GSDME: variants seen among roughly 807,000 people sequenced by gnomAD.
GSDME encodes gasdermin E, also known as gasdermin-E.
A neutral mutation model predicts 47.5 loss-of-function variants in GSDME; 44 were observed. The ratio of observed to expected loss-of-function variants is 0.93; its 90% CI spans 0.73 to 1.19. The LOEUF (loss-of-function observed/expected upper bound fraction) is 1.19. Among genes scored for constraint, GSDME ranks in the 50% most tolerant of loss-of-function variants. The pLI, the probability that GSDME is intolerant of heterozygous loss-of-function variation, is 0.00. For missense variants in GSDME, 663 were observed against 604.2 expected (o/e 1.10, Z -1.02); for synonymous variants, 258 against 252.8 (o/e 1.02, Z -0.20).
At chr7:24,771,923 C>T in the GSDME span, among the ~76,000 whole-genome samples, 60 of 152,278 alleles carry the variant, frequency 3.9e-4, 1 homozygote, top group South Asian at 0.011. This position sits in a 1 kb window ranked among gnomAD's most constrained non-coding sequence, Gnocchi z 4.1. Flanking sequence ...GAATGGAGGT[C>T]GTGGCCTGGC....
rs1036345020 is a variant in GSDME, at chr7:24,745,562, C to A, written c.212-808G>T. On this transcript the variant is annotated intron_variant, in intron 2 of 9. Coordinates refer to ENST00000645220, the MANE Select transcript of GSDME (RefSeq NM_001127453.2). The surrounding 1 kb of genome is among the most constrained non-coding windows in gnomAD (Gnocchi z 4.4). Reference sequence around the variant, plus strand: ...CTCATATCTGAACTGTCAGCCTTCTCACATCTCCAGGTTTCTACTATTCTC... The same window carrying A: ...CTCATATCTGAACTGTCAGCCTTCTAACATCTCCAGGTTTCTACTATTCTC... 6.6e-6 allele frequency among the ~76,000 whole-genome samples: 1 copy of A among 152,166 alleles called. No individual in the cohort carries two copies. Among genetic ancestry groups the A allele is most frequent in the African/African-American group, 2.4e-5 (1 of 41,450 alleles).
chr7:24,737,032 G>T (rs1239722683), intron 3 of GSDME, among the ~76,000 whole-genome samples: 2 of 152,022 alleles, frequency 1.3e-5, no homozygotes, highest in African/African-American at 4.8e-5. Context: ...GAAGTTTATA[G>T]CTGTACATAA....
chr7:24,731,379 C>T (rs1313262247), intron 3 of GSDME, among the ~76,000 whole-genome samples: 2 of 152,228 alleles, frequency 1.3e-5, no homozygotes, highest in Non-Finnish European at 2.9e-5. Flanking sequence ...AGAGCCCCGC[C>T]GACTTTCACT....
chr7:24,778,594 C>T, the GSDME span, among the ~76,000 whole-genome samples: 1 of 152,168 alleles, frequency 6.6e-6, no homozygotes, highest in African/African-American at 2.4e-5. This position sits in a 1 kb window ranked among gnomAD's most constrained non-coding sequence, Gnocchi z 5.6. Context: ...TTCCAGGGCC[C>T]ATCGACCTTG....
chr7:24,708,243 G>GGAGCCC lies in GSDME; in HGVS notation c.873_874insGGGCTC (p.Leu291_Leu292insGlyLeu), dbSNP rs1484112962. 2 of 1,614,042 alleles carry GGAGCCC rather than the reference G, an allele frequency of 1.2e-6. No homozygotes were observed. Among genetic ancestry groups the GGAGCCC allele is most frequent in the African/African-American group, 1.3e-5 (1 of 74,938 alleles). On this transcript the variant is annotated inframe_insertion, in exon 7 of 10. Transcript: ENST00000645220. ...GCAAATGGATGGAAATTCCTCTCCAGGAGCAGGGTCGCTGTGAAAACAAAG... is the reference window on the plus strand; with the variant it reads ...GCAAATGGATGGAAATTCCTCTCCAGGAGCCCGAGCAGGGTCGCTGTGAAAACAAAG...
At chr7:24,707,810 C>T in intron 7 of GSDME, 1 of 533,870 alleles carries the variant, frequency 1.9e-6, no homozygotes, top group Non-Finnish European at 3.3e-6. Context: ...AGAATTCTCT[C>T]CTAGATCCTC....
intron 4 of GSDME, 36 bp from the exon 5 acceptor site, chr7:24,717,410 C>T (rs1469662673): frequency 8.1e-6 from 13 of 1,613,818 alleles, no homozygotes; most frequent in Non-Finnish European, 1.1e-5. Context: ...CCTGTGCACT[C>T]GGGCTCTCCA....
At chr7:24,758,103 C>T (rs1162134544), upstream of GSDME, 1 of 152,296 alleles carries the variant, frequency 6.6e-6, no homozygotes, top group Non-Finnish European at 1.5e-5. This position sits in a 1 kb window ranked among gnomAD's most constrained non-coding sequence, Gnocchi z 4.6. Context: ...GGTGCTCAAA[C>T]ATTGCTTTCT....
the GSDME span, among the ~76,000 whole-genome samples, chr7:24,776,894 G>A: frequency 2.6e-5 from 4 of 152,044 alleles, no homozygotes; most frequent in Non-Finnish European, 5.9e-5. Flanking sequence ...GTAAAAAATC[G>A]TGCACCAAAC....
Position 24,725,512 on chromosome 7 carries a change from C to G in GSDME, c.405-6294G>C, listed in dbSNP as rs1284757753. The stretch of plus-strand genomic sequence containing the variant: ...CCGGGAGCGTCGGCAAGACTCCTGT[C>G]TCAAGAGCCAAGCTCTTGAGTGAGC... On this transcript the variant is annotated intron_variant, in intron 3 of 9. Transcript: ENST00000645220. This position sits in a 1 kb window ranked among gnomAD's most constrained non-coding sequence, Gnocchi z 5.1. 6.6e-6 allele frequency among the ~76,000 whole-genome samples: 1 copy of G among 152,110 alleles called. No individual in the cohort carries two copies. Among genetic ancestry groups the G allele is most frequent in the Non-Finnish European group, 1.5e-5 (1 of 68,026 alleles).
chr7:24,733,809 C>T lies in GSDME; in HGVS notation c.404+10753G>A, dbSNP rs946536218. Among the ~76,000 whole-genome samples, 1 of 152,316 alleles carries T rather than the reference C, an allele frequency of 6.6e-6. No individual in the cohort carries two copies. Among genetic ancestry groups the T allele is most frequent in the South Asian group, 2.1e-4 (1 of 4,822 alleles). ...TAAGGTTTCCAACTCGAGGCCCTGA[C>T]TCCTGGACAGCATCTCTGGACCCAC... On this transcript the variant is annotated intron_variant, in intron 3 of 9. Transcript: ENST00000645220. This position sits in a 1 kb window ranked among gnomAD's most constrained non-coding sequence, Gnocchi z 4.3.
At chr7:24,749,922 C>T in intron 1 of GSDME, 129 bp from the exon 2 acceptor site, 1 of 652,330 alleles carries the variant, frequency 1.5e-6, no homozygotes, top group Non-Finnish European at 2.6e-6. Flanking sequence ...CTAGAAGACC[C>T]TCTAGTTTGA....
At position 24,756,182 on chromosome 7, in the gene GSDME, G is replaced by C. The variant is rs1372890632; in HGVS notation, c.-20+1214C>G. Reference sequence around the variant, plus strand: ...AGGCGCCAAAGGCTTTGGGGAAGTGGAGTGGGTAACAGAGGGCAGTCTGGG... The same window carrying C: ...AGGCGCCAAAGGCTTTGGGGAAGTGCAGTGGGTAACAGAGGGCAGTCTGGG... On this transcript the variant is annotated intron_variant, in intron 1 of 9. Coordinates refer to ENST00000645220, the MANE Select transcript of GSDME (RefSeq NM_001127453.2). This position sits in a 1 kb window ranked among gnomAD's most constrained non-coding sequence, Gnocchi z 4.2. Among the ~76,000 whole-genome samples, 2 of 152,226 alleles carry C rather than the reference G, an allele frequency of 1.3e-5. No homozygotes were observed. The highest frequency in any genetic ancestry group is 2.4e-5 in the African/African-American group (1 of 41,456).
chr7:24,737,207 C>CA (rs1264919362), intron 3 of GSDME, among the ~76,000 whole-genome samples: 1 of 151,564 alleles, frequency 6.6e-6, no homozygotes, highest in Non-Finnish European at 1.5e-5. Context: ...ATTAATGAAA[C>CA]AAAAGTTTGT....
Position 24,714,332 on chromosome 7 carries a change from A to G in GSDME, c.697+2922T>C, listed in dbSNP as rs1789464093. 6.6e-6 allele frequency among the ~76,000 whole-genome samples: 1 copy of G among 152,196 alleles called. No homozygotes were observed. Among genetic ancestry groups the G allele is most frequent in the Non-Finnish European group, 1.5e-5 (1 of 68,042 alleles). ...CACCAGGAAGGTAGGGAGAGAGAGC[A>G]GGCATGTCTTCTCAAGGGCCCTTCC... On this transcript the variant is annotated intron_variant, in intron 5 of 9. Coordinates refer to ENST00000645220, the MANE Select transcript of GSDME (RefSeq NM_001127453.2). The surrounding 1 kb of genome is among the most constrained non-coding windows in gnomAD (Gnocchi z 5.0).
At position 24,705,703 on chromosome 7, in the gene GSDME, C is replaced by T. The variant is rs979184782; in HGVS notation, c.1183+481G>A. Reference sequence around the variant, plus strand: ...GCCCAGCCACAGCTCTGCCTCCCAGCCTAGTACATTGGATGGTTGAATGCT... The same window carrying T: ...GCCCAGCCACAGCTCTGCCTCCCAGTCTAGTACATTGGATGGTTGAATGCT... On this transcript the variant is annotated intron_variant, in intron 8 of 9. Coordinates refer to ENST00000645220, the MANE Select transcript of GSDME (RefSeq NM_001127453.2). The surrounding 1 kb of genome is among the most constrained non-coding windows in gnomAD (Gnocchi z 4.1). The T allele has an allele frequency of 7.5e-6, 2 of 265,076 alleles. No homozygotes were observed. The highest frequency in any genetic ancestry group is 1.5e-5 in the Non-Finnish European group (2 of 135,712). The allele number at this position is 265,076 out of a possible 1,614,324, so 16.4% of individuals were successfully genotyped here.
At chr7:24,707,826 G>T (rs1289591024) in intron 7 of GSDME, 4 of 541,642 alleles carry the variant, frequency 7.4e-6, no homozygotes, top group Non-Finnish European at 9.8e-6. Context: ...TCCTCTGGGG[G>T]AAGTGTGGCC....
chr7:24,736,958 A>C lies in GSDME; in HGVS notation c.404+7604T>G, dbSNP rs1183538854. Among the ~76,000 whole-genome samples, 1 of 152,200 alleles carries C rather than the reference A, an allele frequency of 6.6e-6. No individual in the cohort carries two copies. Among genetic ancestry groups the C allele is most frequent in the Non-Finnish European group, 1.5e-5 (1 of 68,020 alleles). Reference sequence around the variant, plus strand: ...ACTAAGAAAAATTGAAATTTTATTGAAACAAATGATAACAGAAACACAACA... The same window carrying C: ...ACTAAGAAAAATTGAAATTTTATTGCAACAAATGATAACAGAAACACAACA... On this transcript the variant is annotated intron_variant, in intron 3 of 9. Coordinates refer to ENST00000645220, the MANE Select transcript of GSDME (RefSeq NM_001127453.2). This position sits in a 1 kb window ranked among gnomAD's most constrained non-coding sequence, Gnocchi z 4.6.
At chr7:24,779,131 A>G in the GSDME span, among the ~76,000 whole-genome samples, 3 of 152,158 alleles carry the variant, frequency 2.0e-5, no homozygotes, top group Admixed American at 6.5e-5. This position sits in a 1 kb window ranked among gnomAD's most constrained non-coding sequence, Gnocchi z 6.0. Context: ...CGAGGCTATG[A>G]CTCTTTCCTA....
Sources: allele counts gnomAD v4.1 joint callset (sites outside exome capture counted in the v4.1 genomes callset), GRCh38; gene constraint gnomAD v4.1.1; non-coding constraint Gnocchi (gnomAD v3.1); transcripts MANE v1.5; gene names NCBI Gene and HGNC (gene_info 2026-07-23, HGNC 2026-07-21).